Variants in GLDC observed in about 807,000 individuals in gnomAD.
GLDC encodes glycine dehydrogenase (decarboxylating), mitochondrial.
A neutral mutation model predicts 121.3 loss-of-function variants in GLDC; 104 were observed. That is an observed-to-expected ratio of 0.86 (90% CI 0.73 to 1.01). The LOEUF is 1.01. Ranked by LOEUF, GLDC falls within the 50% of genes least tolerant of loss-of-function variation. GLDC has a pLI of 0.00. For missense variants in GLDC, 1,429 were observed against 1,306.6 expected (o/e 1.09, Z -1.44); for synonymous variants, 546 against 480.6 (o/e 1.14, Z -1.78).
At chr9:6,569,630 C>A (rs952769743) in intron 15 of GLDC, among the ~76,000 whole-genome samples, 1 of 152,006 alleles carries the variant, frequency 6.6e-6, no homozygotes, top group Admixed American at 6.6e-5. Flanking sequence ...CTAGCCTGGG[C>A]AACAGAGTGA....
intron 14 of GLDC, 61 bp from the exon 15 acceptor site, chr9:6,587,344 C>T: frequency 1.6e-6 from 2 of 1,212,322 alleles, no homozygotes; most frequent in Non-Finnish European, 2.4e-6. Context: ...GCAATAATAA[C>T]TTTAATAATA....
At chr9:6,637,487 T>A (rs1396769686) in intron 2 of GLDC, among the ~76,000 whole-genome samples, 2 of 152,114 alleles carry the variant, frequency 1.3e-5, no homozygotes, top group African/African-American at 4.8e-5. Context: ...AGTCATTCTG[T>A]CGCCCAGGCT....
chr9:6,569,153 G>A (rs1406389908), intron 15 of GLDC: 4 of 151,798 alleles, frequency 2.6e-5, no homozygotes. Flanking sequence ...TGCAAGTTCA[G>A]GAGCAATACT....
At chr9:6,638,249 G>A (rs779219415) in intron 2 of GLDC, among the ~76,000 whole-genome samples, 1 of 151,198 alleles carries the variant, frequency 6.6e-6, no homozygotes, top group African/African-American at 2.4e-5. Context: ...TCTCACTGTC[G>A]CCCAGGCTGG....
At chr9:6,571,910 C>T (rs1817976848) in intron 15 of GLDC, among the ~76,000 whole-genome samples, 1 of 151,978 alleles carries the variant, frequency 6.6e-6, no homozygotes. Context: ...ACAAATATAC[C>T]CAACTATTTT....
At chr9:6,600,567 G>A (rs769866641) in intron 8 of GLDC, among the ~76,000 whole-genome samples, 1 of 151,952 alleles carries the variant, frequency 6.6e-6, no homozygotes, top group Non-Finnish European at 1.5e-5. Context: ...CTCTTTAGGA[G>A]GCTGAGGCAC....
rs542645791 is a variant in GLDC, at chr9:6,611,384, G to A, written c.471-1028C>T. Among the ~76,000 whole-genome samples, 54 of 151,768 alleles carry A rather than the reference G, an allele frequency of 3.6e-4. No individual in the cohort carries two copies. In the East Asian group the frequency reaches 4.2e-3, roughly 12 times the overall value. On this transcript the variant is annotated intron_variant, in intron 3 of 24. Transcript: ENST00000321612. ...CATCCTGGCTAACATGGTGAAACCCGTCTCTACTAAAAATACAAACAATTA... is the reference window on the plus strand; with the variant it reads ...CATCCTGGCTAACATGGTGAAACCCATCTCTACTAAAAATACAAACAATTA...
intron 3 of GLDC, among the ~76,000 whole-genome samples, chr9:6,619,073 G>A (rs905228566): frequency 6.9e-6 from 1 of 144,562 alleles, no homozygotes; most frequent in African/African-American, 2.6e-5. Context: ...AACTCGAAGG[G>A]CAGAGGTTGC....
At chr9:6,645,113 C>T (rs933536391) in intron 1 of GLDC, 132 bp downstream of exon 1, 4 of 912,590 alleles carry the variant, frequency 4.4e-6, no homozygotes, top group Non-Finnish European at 6.5e-6. Context: ...GCTTCCACGC[C>T]ACGGCCCGGG....
chr9:6,533,047 T>C lies in GLDC; in HGVS notation c.3033A>G (p.Pro1011=). The C allele has an allele frequency of 6.2e-7, 1 of 1,612,400 alleles. No homozygotes were observed. Reference sequence around the variant, plus strand: ...AAGACGCCCTCTTTTGTTCAGAAAATGGAGACTCATAAACTTCCATGGGTG... The same window carrying C: ...AAGACGCCCTCTTTTGTTCAGAAAACGGAGACTCATAAACTTCCATGGGTG... ...TCPPMEVYES[P]FSEQKRASS The change falls in exon 25 of 25, where the codon CCA becomes CCG. Residue 1011 remains proline, a synonymous_variant. Transcript: ENST00000321612.
chr9:6,612,005 G>T lies in GLDC; in HGVS notation c.471-1649C>A, dbSNP rs191559582. Among the ~76,000 whole-genome samples, 7 of 152,098 alleles carry T rather than the reference G, an allele frequency of 4.6e-5. No individual in the cohort carries two copies. In the East Asian group the frequency reaches 1.4e-3, roughly 29 times the overall value. On this transcript the variant is annotated intron_variant, in intron 3 of 24. Transcript: ENST00000321612. ...TCAAGATCACAACTGCCTGCCTGTTGTCTATGCCTTTTGTATGACCCCATT... is the reference window on the plus strand; with the variant it reads ...TCAAGATCACAACTGCCTGCCTGTTTTCTATGCCTTTTGTATGACCCCATT...
chr9:6,553,330 C>G, intron 20 of GLDC, 38 bp downstream of exon 20: 1 of 1,605,296 alleles, frequency 6.2e-7, no homozygotes, highest in Non-Finnish European at 8.5e-7. Flanking sequence ...CTGACGCCCC[C>G]ACCCACCTGC....
intron 15 of GLDC, among the ~76,000 whole-genome samples, chr9:6,572,687 G>T (rs540807956): frequency 5.3e-5 from 8 of 152,298 alleles, no homozygotes; most frequent in African/African-American, 1.7e-4. Context: ...TCTTCGCATG[G>T]TGAGACTCCA....
intron 15 of GLDC, among the ~76,000 whole-genome samples, chr9:6,574,963 T>C (rs529465820): frequency 6.6e-6 from 1 of 152,288 alleles, no homozygotes; most frequent in African/African-American, 2.4e-5. Context: ...TAAACCTTTC[T>C]CTTTGGTGTT....
intron 2 of GLDC, chr9:6,639,077 C>A: frequency 1.5e-6 from 1 of 670,644 alleles, no homozygotes. Context: ...AACAATTAGG[C>A]AACAAGGTGA....
chr9:6,645,155 C>G, intron 1 of GLDC, 90 bp downstream of exon 1: 1 of 1,314,462 alleles, frequency 7.6e-7, no homozygotes, highest in Non-Finnish European at 1.0e-6. Flanking sequence ...CGGAGCGCAG[C>G]AGAGCTCAGG....
At chr9:6,562,914 T>C (rs1429753047) in intron 16 of GLDC, among the ~76,000 whole-genome samples, 1 of 152,180 alleles carries the variant, frequency 6.6e-6, no homozygotes, top group Admixed American at 6.5e-5. Context: ...TAATGAGCTT[T>C]GTATTTCTAC....
chr9:6,606,617 T>C lies in GLDC; in HGVS notation c.688A>G (p.Ile230Val). 3 of 1,607,424 alleles carry C rather than the reference T, an allele frequency of 1.9e-6. No homozygotes were observed. Among genetic ancestry groups the C allele is most frequent in the Non-Finnish European group, 2.6e-6 (3 of 1,174,028 alleles). Reference protein sequence around the residue: ...LVDPRCHPQTIAVVQTRAKYT... With the variant: ...LVDPRCHPQTVAVVQTRAKYT... ...TTGGCTCGAGTCTGGACAACAGCTA[T>C]TGTCTGTGGGTGGCAACGGGGATCA... is the stretch of plus-strand genomic sequence containing the variant. The change falls in exon 5 of 25, where the codon ATA becomes GTA. Residue 230 changes from isoleucine (I) to valine (V), a missense_variant. Transcript: ENST00000321612.
At chr9:6,594,803 A>AAAG (rs1818457754) in intron 9 of GLDC, among the ~76,000 whole-genome samples, 3 of 149,910 alleles carry the variant, frequency 2.0e-5, no homozygotes, top group Non-Finnish European at 4.4e-5. Context: ...AAAAGGAAAT[A>AAAG]AAAGAAAGAA....
Sources: allele counts gnomAD v4.1 joint callset (sites outside exome capture counted in the v4.1 genomes callset), GRCh38; gene constraint gnomAD v4.1.1; transcripts MANE v1.5; gene names NCBI Gene and HGNC (gene_info 2026-07-23, HGNC 2026-07-21).